SUCLG1: variants seen among roughly 807,000 people sequenced by gnomAD.
The protein encoded by SUCLG1 is succinate--CoA ligase [ADP/GDP-forming] subunit alpha, mitochondrial.
A neutral mutation model predicts 37.3 loss-of-function variants in SUCLG1; 26 were observed. The ratio of observed to expected loss-of-function variants is 0.70; its 90% CI spans 0.51 to 0.97. The LOEUF (loss-of-function observed/expected upper bound fraction) is 0.97, where lower values mean the gene tolerates loss of function less well. SUCLG1 is among the 50% of genes least tolerant of loss of function. The probability of loss-of-function intolerance (pLI) is 0.00; values close to 1 mark genes in which losing one functional copy is unlikely to be tolerated. For missense variants in SUCLG1, 433 were observed against 432.9 expected, an observed-to-expected ratio of 1.00 and a Z score of 0.00; for synonymous variants, 163 against 155.6, an observed-to-expected ratio of 1.05 and a Z score of -0.36.
intron 1 of SUCLG1, chr2:84,458,627 T>C (rs1349935105): frequency 6.6e-6 from 1 of 152,396 alleles, no homozygotes; most frequent in East Asian, 1.9e-4. Context: ...TCTAGTAGTC[T>C]ATGCGGCTAT....
intron 6 of SUCLG1, 62 bp from the exon 7 acceptor site, chr2:84,431,721 A>C: frequency 6.4e-7 from 1 of 1,573,682 alleles, no homozygotes; most frequent in Non-Finnish European, 8.7e-7. Context: ...AATTTAGGTC[A>C]ATAAATGTTT....
At chr2:84,434,641 T>C (rs200676260) in intron 5 of SUCLG1, among the ~76,000 whole-genome samples, 1 of 152,212 alleles carries the variant, frequency 6.6e-6, no homozygotes, top group Non-Finnish European at 1.5e-5. Flanking sequence ...AACTCCTGCC[T>C]TGGAGCAACT....
At chr2:84,455,553 A>T (rs1156329636) in intron 1 of SUCLG1, among the ~76,000 whole-genome samples, 1 of 152,000 alleles carries the variant, frequency 6.6e-6, no homozygotes, top group Non-Finnish European at 1.5e-5. Flanking sequence ...GTTATAATGT[A>T]AAAAAATGTG....
intron 8 of SUCLG1, 72 bp from the exon 9 acceptor site, chr2:84,423,844 T>A (rs990995406): frequency 1.5e-5 from 22 of 1,488,004 alleles, no homozygotes; most frequent in South Asian, 1.2e-5. Context: ...ACATTTAGGA[T>A]CAAAATGATT....
Position 84,425,508 on chromosome 2 carries a change from T to C in SUCLG1, c.921A>G (p.Gly307=). The change falls in exon 8 of 9, where the codon GGA becomes GGG. Residue 307 remains glycine, a synonymous_variant. Transcript: ENST00000393868. The part of the protein sequence containing the change: ...MGHAGAIIAG[G]KGGAKEKISA... Reference sequence around the variant, plus strand: ...AGATCTTCTCTTTAGCTCCACCTTTTCCTCCAGCAATAATTGCCCCGGCAT... The same window carrying C: ...AGATCTTCTCTTTAGCTCCACCTTTCCCTCCAGCAATAATTGCCCCGGCAT... The C allele has an allele frequency of 6.2e-7, 1 of 1,614,166 alleles. No homozygotes were observed.
intron 5 of SUCLG1, among the ~76,000 whole-genome samples, chr2:84,436,199 C>A (rs1485154379): frequency 6.6e-6 from 1 of 152,236 alleles, no homozygotes; most frequent in Middle Eastern, 3.4e-3. Context: ...TTATTTTTTT[C>A]TAGTGTTACA....
chr2:84,436,497 C>T (rs897712090), intron 5 of SUCLG1, among the ~76,000 whole-genome samples: 2 of 152,224 alleles, frequency 1.3e-5, no homozygotes, highest in South Asian at 2.1e-4. Context: ...AGACTACCTG[C>T]TGGCCTGAGC....
chr2:84,433,493 G>C, intron 5 of SUCLG1, 58 bp from the exon 6 acceptor site: 2 of 1,436,440 alleles, frequency 1.4e-6, no homozygotes, highest in Non-Finnish European at 9.8e-7. Context: ...ACTAAAACAT[G>C]GTAAACTAAA....
At chr2:84,429,774 C>T (rs1672589533) in intron 7 of SUCLG1, among the ~76,000 whole-genome samples, 1 of 152,096 alleles carries the variant, frequency 6.6e-6, no homozygotes, top group South Asian at 2.1e-4. Flanking sequence ...ACAAACAGCA[C>T]CAATACCCAT....
chr2:84,426,895 A>C (rs905974631), intron 7 of SUCLG1: 7 of 152,610 alleles, frequency 4.6e-5, no homozygotes, highest in Non-Finnish European at 1.0e-4. Flanking sequence ...GGGATCCCTT[A>C]TACTTAAAAG....
At chr2:84,449,868 C>A (rs998835480) in intron 1 of SUCLG1, 116 bp from the exon 2 acceptor site, 23 of 719,646 alleles carry the variant, frequency 3.2e-5, no homozygotes, top group Non-Finnish European at 4.9e-5. Flanking sequence ...CACGCGCTAT[C>A]CTGTGATCAC....
At chr2:84,443,566 C>T (rs1447061203) in intron 2 of SUCLG1, among the ~76,000 whole-genome samples, 166 bp from the exon 3 acceptor site, 4 of 152,236 alleles carry the variant, frequency 2.6e-5, no homozygotes, top group Non-Finnish European at 4.4e-5. Context: ...GCAAAACAAG[C>T]CTCTGAAAAG....
Position 84,449,628 on chromosome 2 carries a change from TA to T in SUCLG1, c.201+20del. 6.7e-7 allele frequency: 1 copy of T among 1,486,428 alleles called. No individual in the cohort carries two copies. 92.1% of individuals were successfully genotyped at this position (1,486,428 alleles called of 1,614,324 possible). The stretch of plus-strand genomic sequence containing the variant: ...TATATCTCTAGTCTACATTTGAAAA[TA>T]AAAATCTAGATATACATACCTGTTT... On this transcript the variant is annotated intron_variant, in intron 2 of 8. Transcript: ENST00000393868.
chr2:84,436,173 A>G (rs1192463209), intron 5 of SUCLG1, among the ~76,000 whole-genome samples: 1 of 152,238 alleles, frequency 6.6e-6, no homozygotes, highest in Non-Finnish European at 1.5e-5. Flanking sequence ...AATGGCCTAC[A>G]GCAACCTACA....
chr2:84,440,479 C>T (rs12618520), intron 5 of SUCLG1, among the ~76,000 whole-genome samples: 123,208 of 152,252 alleles, frequency 0.81, 52,673 homozygotes, highest in Non-Finnish European at 0.93. Flanking sequence ...CTTTGCAGAA[C>T]TATTTGGCAG....
At chr2:84,440,958 T>G in intron 5 of SUCLG1, 89 bp downstream of exon 5, 1 of 1,361,900 alleles carries the variant, frequency 7.3e-7, no homozygotes, top group Non-Finnish European at 1.0e-6. Flanking sequence ...TAATTAAACT[T>G]GATTTGCAAA....
chr2:84,428,696 A>G (rs1412571771), intron 7 of SUCLG1, among the ~76,000 whole-genome samples: 1 of 152,224 alleles, frequency 6.6e-6, no homozygotes, highest in African/African-American at 2.4e-5. Flanking sequence ...GAGAACTACA[A>G]CTAAAAGACT....
intron 7 of SUCLG1, among the ~76,000 whole-genome samples, chr2:84,428,010 G>A (rs886129861): frequency 6.6e-6 from 1 of 152,146 alleles, no homozygotes; most frequent in Admixed American, 6.5e-5. Flanking sequence ...CTAAGATGCA[G>A]CATGCAAGGA....
chr2:84,444,462 A>T (rs915798645), intron 2 of SUCLG1, among the ~76,000 whole-genome samples: 27 of 152,340 alleles, frequency 1.8e-4, no homozygotes, highest in Middle Eastern at 3.4e-3. Context: ...TGTGGGTCAC[A>T]GAGATCATGT....
Sources: allele counts gnomAD v4.1 joint callset (sites outside exome capture counted in the v4.1 genomes callset), GRCh38; gene constraint gnomAD v4.1.1; transcripts MANE v1.5; gene names NCBI Gene and HGNC (gene_info 2026-07-23, HGNC 2026-07-21).